Variants in PZP observed in about 807,000 individuals in gnomAD.
The protein encoded by PZP is pregnancy zone protein.
Under a neutral mutation model 179.8 loss-of-function variants are expected in PZP, and 150 were observed. That is an observed-to-expected ratio of 0.83 (90% confidence interval 0.73 to 0.96). PZP has a LOEUF of 0.96. PZP is among the 40% of genes least tolerant of loss of function. PZP has a pLI of 0.00. For synonymous variants in PZP, 624 were observed against 652.3 expected (o/e 0.96, Z 0.66); for missense variants, 1,689 against 1,764.0 (o/e 0.96, Z 0.76).
chr12:9,160,373 T>C lies in PZP; in HGVS notation c.2990A>G (p.Asn997Ser), dbSNP rs753917158. 6 of 1,614,086 alleles carry C rather than the reference T, an allele frequency of 3.7e-6. No individual in the cohort carries two copies. The African/African-American group carries it at 4.0e-5, about 11-fold the overall frequency. The change falls in exon 24 of 36, where the codon AAT becomes AGT. Residue 997 changes from asparagine to serine, a missense_variant. This residue lies in a region of PZP where 746 missense variants were observed against 749.2 expected (regional missense o/e 1.00). Coordinates refer to ENST00000261336, the MANE Select transcript of PZP (RefSeq NM_002864.3). ...APNIYVLNYL[N>S]ETQQLTQEIK... ...CTCCTGCGTCAGCTGCTGGGTTTCA[T>C]TCAGATAGTTCAAGACATAGATGTT...
In PZP at chr12:9,178,390, T is replaced by C. The variant is rs1167562029; in HGVS notation, c.1839+2593A>G. On this transcript the variant is annotated intron_variant, in intron 15 of 35. Transcript: ENST00000261336. ...CAAGATTGTCACAGTATCTCAGTGC[T>C]TGTGTTCAAGTCACCCTTATTTTAC... Among the ~76,000 whole-genome samples, 5 of 152,316 alleles carry C rather than the reference T, an allele frequency of 3.3e-5. No homozygotes were observed. In the East Asian group the frequency reaches 9.6e-4, roughly 29 times the overall value.
chr12:9,191,565 G>A (rs1394802994), intron 13 of PZP, among the ~76,000 whole-genome samples: 1 of 152,122 alleles, frequency 6.6e-6, no homozygotes, highest in Non-Finnish European at 1.5e-5. Flanking sequence ...TATTAGGCAT[G>A]GAGCAAATCC....
chr12:9,208,391 G>T lies in PZP; in HGVS notation c.-50C>A, dbSNP rs745945151. The T allele has an allele frequency of 1.4e-6, 2 of 1,479,352 alleles. No individual in the cohort carries two copies. The highest frequency in any genetic ancestry group is 1.9e-6 in the Non-Finnish European group (2 of 1,062,118). The allele number at this position is 1,479,352 out of a possible 1,614,324, so 91.6% of individuals were successfully genotyped here. A position where few individuals can be genotyped will look rare whatever the true frequency, so the allele number is the denominator to read the frequency against. On this transcript the variant is annotated 5_prime_UTR_variant, in exon 1 of 36. Transcript: ENST00000261336. Reference sequence around the variant, plus strand: ...TGTCCAACTCTCTGCCCTCAGCCTCGCCCTGGAGACCAGCTGAGTTTACCA... The same window carrying T: ...TGTCCAACTCTCTGCCCTCAGCCTCTCCCTGGAGACCAGCTGAGTTTACCA...
At chr12:9,154,878 A>G in intron 28 of PZP, 39 bp from the exon 29 acceptor site, 1 of 1,538,784 alleles carries the variant, frequency 6.5e-7, no homozygotes, top group Non-Finnish European at 8.9e-7. Flanking sequence ...TAACTCATCA[A>G]TAAGTAATTA....
Position 9,202,416 on chromosome 12 carries a change from G to C in PZP, c.428-45C>G, listed in dbSNP as rs758478795. On this transcript the variant is annotated intron_variant, in intron 3 of 35. Transcript: ENST00000261336. ...ATAAGATTCAGACATGATAAAGCAG[G>C]TAATTTGGGTAATAAGACAGGAGGC... The C allele has an allele frequency of 1.9e-6, 3 of 1,613,564 alleles. No homozygotes were observed. In the Admixed American group the frequency reaches 5.0e-5, roughly 27 times the overall value.
At chr12:9,152,120 G>T in intron 32 of PZP, 100 bp downstream of exon 32, 1 of 911,590 alleles carries the variant, frequency 1.1e-6, no homozygotes, top group Non-Finnish European at 1.8e-6. Flanking sequence ...TTTTTTTGAG[G>T]CAGGATGATG....
At chr12:9,138,339 C>A in the PZP span, among the ~76,000 whole-genome samples, 1 of 152,012 alleles carries the variant, frequency 6.6e-6, no homozygotes, top group African/African-American at 2.4e-5. Flanking sequence ...ACCATCCTTG[C>A]ATCCTGGGAA....
At chr12:9,186,445 G>A (rs1360928952) in intron 13 of PZP, among the ~76,000 whole-genome samples, 1 of 152,118 alleles carries the variant, frequency 6.6e-6, no homozygotes, top group Non-Finnish European at 1.5e-5. Flanking sequence ...CCCCAATTAA[G>A]AGGCACAGAG....
chr12:9,177,630 A>G (rs1592504929), intron 15 of PZP, among the ~76,000 whole-genome samples: 1 of 152,374 alleles, frequency 6.6e-6, no homozygotes, highest in South Asian at 2.1e-4. Context: ...AAATAGGTAC[A>G]TAAATGAACA....
Position 9,192,642 on chromosome 12 carries a change from C to T in PZP, c.1352G>A (p.Ser451Asn). ...AGGCTCCAGGTGAATGTAACTTCCACTTAAGGAGAAAACACGATTTGCAGT... is the reference window on the plus strand; with the variant it reads ...AGGCTCCAGGTGAATGTAACTTCCATTTAAGGAGAAAACACGATTTGCAGT... ...QHTANRVFSL[S>N]GSYIHLEPVA... Residue 451 changes from serine (S) to asparagine (N), a missense_variant, in exon 12 of 36, where the codon AGT becomes AAT. Coordinates refer to ENST00000261336, the MANE Select transcript of PZP (RefSeq NM_002864.3). The T allele has an allele frequency of 2.5e-6, 4 of 1,614,098 alleles. No homozygotes were observed. The highest frequency in any genetic ancestry group is 3.4e-6 in the Non-Finnish European group (4 of 1,179,942).
chr12:9,160,636 T>C (rs1261770239), intron 23 of PZP, 146 bp from the exon 24 acceptor site: 2 of 774,232 alleles, frequency 2.6e-6, no homozygotes, highest in African/African-American at 1.8e-5. Flanking sequence ...AGAATCCTAA[T>C]AAGAATAGCA....
At position 9,200,967 on chromosome 12, in the gene PZP, G is replaced by GA. The variant is rs1565668226; in HGVS notation, c.594dup (p.Gln199SerfsTer31). The GA allele has an allele frequency of 6.2e-7, 1 of 1,613,940 alleles. No homozygotes were observed. Among genetic ancestry groups the GA allele is most frequent in the Non-Finnish European group, 8.5e-7 (1 of 1,179,810 alleles). On this transcript the variant is annotated frameshift_variant, in exon 6 of 36. Coordinates refer to ENST00000261336, the MANE Select transcript of PZP (RefSeq NM_002864.3). LOFTEE classifies it high-confidence loss of function. ...TGTACCACCACCCTGTAGGAGCCCT[G>GA]AATGGGCTCTGATGAGAGGGGAAAG...
chr12:9,167,850 G>A (rs1592479875), intron 17 of PZP, among the ~76,000 whole-genome samples: 1 of 152,132 alleles, frequency 6.6e-6, no homozygotes, highest in South Asian at 2.1e-4. Flanking sequence ...TTTGTTCTAT[G>A]TAAATCTCAT....
At chr12:9,199,162 C>T (rs1944008924) in intron 7 of PZP, among the ~76,000 whole-genome samples, 1 of 152,190 alleles carries the variant, frequency 6.6e-6, no homozygotes, top group Admixed American at 6.5e-5. Context: ...GCACACTCAT[C>T]ACTGCCGATT....
chr12:9,162,030 C>T (rs761208222), intron 22 of PZP, among the ~76,000 whole-genome samples: 7 of 152,038 alleles, frequency 4.6e-5, no homozygotes, highest in African/African-American at 1.7e-4. Flanking sequence ...GGTGTGATTT[C>T]GGCTCACTGC....
intron 13 of PZP, 33 bp from the exon 14 acceptor site, chr12:9,182,150 A>ATAAGTGAGACAAAATGGTCG (rs770243123): frequency 1.2e-6 from 2 of 1,606,224 alleles, no homozygotes; most frequent in East Asian, 2.2e-5. Context: ...CAAAATGGTC[A>ATAAGTGAGACAAAATGGTCG]TAAGTGAGAC....
At chr12:9,192,095 A>G in intron 13 of PZP, 98 bp downstream of exon 13, 1 of 1,030,240 alleles carries the variant, frequency 9.7e-7, no homozygotes, top group Admixed American at 1.8e-5. Context: ...CTTATTGTGA[A>G]GGGATGATGG....
At position 9,201,350 on chromosome 12, in the gene PZP, A is replaced by C; in HGVS notation, c.481-3T>G. On this transcript the variant is annotated splice_polypyrimidine_tract_variant and splice_region_variant and intron_variant, in intron 4 of 35. Transcript: ENST00000261336. ...ACCTCAAGGTATATCAGTGGAATCTATATGATAAAAGGAAAGAAGAGATGT... is the reference window on the plus strand; with the variant it reads ...ACCTCAAGGTATATCAGTGGAATCTCTATGATAAAAGGAAAGAAGAGATGT... The C allele has an allele frequency of 1.3e-6, 2 of 1,557,320 alleles. No homozygotes were observed. Among genetic ancestry groups the C allele is most frequent in the Non-Finnish European group, 8.8e-7 (1 of 1,133,930 alleles).
In PZP at chr12:9,161,048, A is replaced by G. The variant is rs770764482; in HGVS notation, c.2857T>C (p.Ser953Pro). The change falls in exon 23 of 36, where the codon TCT becomes CCT. Residue 953 changes from serine (S) to proline (P), a missense_variant. Around this residue, in one of 3 missense-constraint regions of PZP, gnomAD observed 746 missense variants for 749.2 expected, o/e 1.00. Coordinates refer to ENST00000261336, the MANE Select transcript of PZP (RefSeq NM_002864.3). ...GGTGACTCACCCAGAACTGAGAAAG[A>G]AGCTCTGGCAGATTCTTTGACCACA... ...SNVVKESARA[S>P]FSVLGDILGS... 2.5e-6 allele frequency: 4 copies of G among 1,593,550 alleles called. No individual in the cohort carries two copies. Among genetic ancestry groups the G allele is most frequent in the Non-Finnish European group, 3.4e-6 (4 of 1,161,282 alleles).
Sources: allele counts gnomAD v4.1 joint callset (sites outside exome capture counted in the v4.1 genomes callset), GRCh38; gene constraint gnomAD v4.1.1; regional missense constraint gnomAD v4.1.1; transcripts MANE v1.5; gene names NCBI Gene and HGNC (gene_info 2026-07-23, HGNC 2026-07-21).